Variants in VLDLR observed in about 807,000 individuals in gnomAD.
VLDLR encodes very low density lipoprotein receptor, also known as very low-density lipoprotein receptor.
A neutral mutation model predicts 112.7 loss-of-function variants in VLDLR; 81 were observed. That is an observed-to-expected ratio of 0.72 (90% CI 0.60 to 0.86). VLDLR has a LOEUF of 0.86. Ranked by LOEUF, VLDLR falls within the 40% of genes least tolerant of loss-of-function variation. VLDLR has a pLI of 0.00. For missense variants in VLDLR, 1,237 were observed against 1,099.4 expected (o/e 1.13, Z -1.77); for synonymous variants, 436 against 384.8 (o/e 1.13, Z -1.56).
chr9:2,654,194 C>T lies in VLDLR; in HGVS notation c.*326C>T. The T allele has an allele frequency of 1.6e-5, 6 of 370,334 alleles. No individual in the cohort carries two copies. Among genetic ancestry groups the T allele is most frequent in the South Asian group, 1.5e-4 (6 of 39,766 alleles). 22.9% of individuals were successfully genotyped at this position (370,334 alleles called of 1,614,324 possible). A position where few individuals can be genotyped will look rare whatever the true frequency, so the allele number is the denominator to read the frequency against. ...GAAACTTGTGCTATAGTGTATACCA[C>T]CTGTACATACATTGTATAGGCCATC... On this transcript the variant is annotated 3_prime_UTR_variant, in exon 19 of 19. Coordinates refer to ENST00000382100, the MANE Select transcript of VLDLR (RefSeq NM_003383.5).
At chr9:2,629,399 C>T (rs540316268) in intron 1 of VLDLR, among the ~76,000 whole-genome samples, 1 of 152,344 alleles carries the variant, frequency 6.6e-6, no homozygotes, top group East Asian at 1.9e-4. Flanking sequence ...AGGCCTCCAT[C>T]TCAACAACAA....
At position 2,651,390 on chromosome 9, in the gene VLDLR, C is replaced by G. The variant is rs748599133; in HGVS notation, c.2252-25C>G. ...GCCATGCTGGAACCCTGGCATTAAC[C>G]AGGTTCTTGGTTTTTATAATTCAGG... On this transcript the variant is annotated intron_variant, in intron 15 of 18. Transcript: ENST00000382100. 1.3e-5 allele frequency: 21 copies of G among 1,604,070 alleles called. No homozygotes were observed. The African/African-American group carries it at 1.7e-4, about 13-fold the overall frequency.
Position 2,651,412 on chromosome 9 carries a change from C to G in VLDLR, c.2252-3C>G. 1 of 1,613,584 alleles carries G rather than the reference C, an allele frequency of 6.2e-7. No homozygotes were observed. Among genetic ancestry groups the G allele is most frequent in the Non-Finnish European group, 8.5e-7 (1 of 1,179,672 alleles). On this transcript the variant is annotated splice_polypyrimidine_tract_variant and splice_region_variant and intron_variant, in intron 15 of 18. Coordinates refer to ENST00000382100, the MANE Select transcript of VLDLR (RefSeq NM_003383.5). ...AACCAGGTTCTTGGTTTTTATAATT[C>G]AGGTACTGCAACTACTGTGACTTAC...
chr9:2,648,262 G>T lies in VLDLR; in HGVS notation c.1877G>T (p.Ser626Ile). 6.2e-7 allele frequency: 1 copy of T among 1,614,204 alleles called. No individual in the cohort carries two copies. Among genetic ancestry groups the T allele is most frequent in the Non-Finnish European group, 8.5e-7 (1 of 1,180,028 alleles). ...GATTCTAAGTTGCACATGTTATCCA[G>T]CGTGGACTTGAATGGCCAAGATCGT... is the stretch of plus-strand genomic sequence containing the variant. ...WLDSKLHMLS[S>I]VDLNGQDRRI... Residue 626 changes from serine (S) to isoleucine (I), a missense_variant, in exon 13 of 19, where the codon AGC becomes ATC. Transcript: ENST00000382100.
At chr9:2,648,517 C>G in intron 13 of VLDLR, 152 bp from the exon 14 acceptor site, 4 of 1,514,556 alleles carry the variant, frequency 2.6e-6, no homozygotes, top group Non-Finnish European at 3.7e-6. Flanking sequence ...CACTCCACAC[C>G]TAAACTTGAT....
Position 2,655,877 on chromosome 9 carries a change from A to C in VLDLR, c.*2009A>C, listed in dbSNP as rs1818582180. ...GTGCCTGTTTGGTAAGTAGGTTAGC[A>C]TTCATCATGAACTCTGAAAGCCATT... On this transcript the variant is annotated 3_prime_UTR_variant, in exon 19 of 19. Coordinates refer to ENST00000382100, the MANE Select transcript of VLDLR (RefSeq NM_003383.5). The C allele has an allele frequency of 6.6e-6, 1 of 152,078 alleles. No individual in the cohort carries two copies. The highest frequency in any genetic ancestry group is 1.5e-5 in the Non-Finnish European group (1 of 68,038). 9.4% of individuals were successfully genotyped at this position (152,078 alleles called of 1,614,324 possible). A position where few individuals can be genotyped will look rare whatever the true frequency, so the allele number is the denominator to read the frequency against.
At chr9:2,645,322 A>T (rs1818020459) in intron 9 of VLDLR, among the ~76,000 whole-genome samples, 1 of 152,158 alleles carries the variant, frequency 6.6e-6, no homozygotes, top group South Asian at 2.1e-4. Flanking sequence ...TCTGTTTCCA[A>T]AACTTGAGTC....
intron 13 of VLDLR, 80 bp from the exon 14 acceptor site, chr9:2,648,589 G>T (rs1563764273): frequency 2.5e-6 from 4 of 1,601,182 alleles, no homozygotes; most frequent in Non-Finnish European, 3.4e-6. Context: ...TCCATTAAAT[G>T]AGAAGTAAAT....
intron 18 of VLDLR, among the ~76,000 whole-genome samples, chr9:2,653,506 C>T (rs111517142): frequency 3.9e-5 from 6 of 152,342 alleles, no homozygotes; most frequent in Admixed American, 1.3e-4. Context: ...ATTGATCACT[C>T]CCCTCTCAAA....
At position 2,653,850 on chromosome 9, in the gene VLDLR, A is replaced by C. The variant is rs1818471237; in HGVS notation, c.2604A>C (p.Thr868=). The C allele has an allele frequency of 6.2e-7, 1 of 1,613,974 alleles. No homozygotes were observed. Among genetic ancestry groups the C allele is most frequent in the African/African-American group, 1.3e-5 (1 of 75,046 alleles). The change falls in exon 19 of 19, where the codon ACA becomes ACC. Residue 868 remains threonine (T), a synonymous_variant. Transcript: ENST00000382100. ...TTCCACAGATATCAGTTGTAAGCAC[A>C]GATGATGATCTAGCTTGACTTCTGT... is the stretch of plus-strand genomic sequence containing the variant. ...HTYPAISVVS[T]DDDLA
chr9:2,652,231 TAA>T (rs1818383702), intron 17 of VLDLR, among the ~76,000 whole-genome samples: 1 of 152,236 alleles, frequency 6.6e-6, no homozygotes, highest in Non-Finnish European at 1.5e-5. Context: ...CCTTTTATAA[TAA>T]GTCTCTTTAA....
intron 2 of VLDLR, among the ~76,000 whole-genome samples, chr9:2,636,575 G>A (rs554160295): frequency 6.6e-6 from 1 of 152,302 alleles, no homozygotes; most frequent in East Asian, 1.9e-4. Context: ...AATGTGTAAA[G>A]CAGATCAGTA....
intron 14 of VLDLR, among the ~76,000 whole-genome samples, chr9:2,649,354 C>G (rs982870039): frequency 6.6e-6 from 1 of 152,058 alleles, no homozygotes; most frequent in African/African-American, 2.4e-5. Flanking sequence ...ACATCATCGT[C>G]CCTCTGTATA....
chr9:2,630,512 C>A (rs943882740), intron 1 of VLDLR, among the ~76,000 whole-genome samples: 1 of 152,184 alleles, frequency 6.6e-6, no homozygotes, highest in African/African-American at 2.4e-5. Context: ...CGCTCTGAGC[C>A]TGGTACCCAG....
intron 4 of VLDLR, among the ~76,000 whole-genome samples, chr9:2,642,792 A>G (rs1200828167): frequency 2.6e-5 from 4 of 152,204 alleles, no homozygotes; most frequent in Non-Finnish European, 5.9e-5. Flanking sequence ...ACTAGTGATA[A>G]GATCTGACAA....
At chr9:2,644,366 T>G (rs1817971378) in intron 7 of VLDLR, among the ~76,000 whole-genome samples, 1 of 145,706 alleles carries the variant, frequency 6.9e-6, no homozygotes, top group Non-Finnish European at 1.5e-5. Context: ...AGACAGGGTT[T>G]CACCATGTTG....
intron 1 of VLDLR, among the ~76,000 whole-genome samples, chr9:2,625,815 T>TA (rs1817064821): frequency 1.3e-5 from 2 of 152,240 alleles, no homozygotes; most frequent in Admixed American, 1.3e-4. Flanking sequence ...TAAGCGGAAG[T>TA]AAGTAGTCCA....
chr9:2,645,022 A>G lies in VLDLR; in HGVS notation c.1252A>G (p.Lys418Glu). The G allele has an allele frequency of 6.2e-7, 1 of 1,614,238 alleles. No individual in the cohort carries two copies. Among genetic ancestry groups the G allele is most frequent in the South Asian group, 1.1e-5 (1 of 91,084 alleles). Residue 418 changes from lysine (K) to glutamate (E), a missense_variant, in exon 9 of 19, where the codon AAG becomes GAG. Physicochemically the swap from Lys to Glu is moderately conservative, Grantham distance 56. Transcript: ENST00000382100. ...QICINLKGGY[K>E]CECSRGYQMD... ...TTGTATCAACTTAAAAGGCGGTTAC[A>G]AGTGTGAATGTAGTCGTGGCTATCA...
rs1818174401 is a variant in VLDLR at position 2,648,652 on chromosome 9, G to T, written c.1963-17G>T. On this transcript the variant is annotated splice_polypyrimidine_tract_variant and intron_variant, in intron 13 of 18. Transcript: ENST00000382100. The stretch of plus-strand genomic sequence containing the variant: ...TTAATCCTGGATGTACATGCTAATT[G>T]TGGGCTTCTGTTTTAGGATCGTGTC... 1 of 1,614,162 alleles carries T rather than the reference G, an allele frequency of 6.2e-7. No homozygotes were observed. The highest frequency in any genetic ancestry group is 8.5e-7 in the Non-Finnish European group (1 of 1,180,030).
Sources: allele counts gnomAD v4.1 joint callset (sites outside exome capture counted in the v4.1 genomes callset), GRCh38; gene constraint gnomAD v4.1.1; transcripts MANE v1.5; gene names NCBI Gene and HGNC (gene_info 2026-07-23, HGNC 2026-07-21).